ABHD18: variants seen among roughly 807,000 people sequenced by gnomAD.
The protein encoded by ABHD18 is abhydrolase domain containing 18.
A neutral mutation model predicts 65.9 loss-of-function variants in ABHD18; 55 were observed. The ratio of observed to expected loss-of-function variants is 0.84; its 90% CI spans 0.67 to 1.05. ABHD18 has a LOEUF of 1.05. ABHD18 is among the 50% of genes least tolerant of loss of function. The probability of loss-of-function intolerance (pLI) is 0.00; values close to 1 mark genes in which losing one functional copy is unlikely to be tolerated. For synonymous variants in ABHD18, 181 were observed against 180.2 expected, an observed-to-expected ratio of 1.00 and a Z score of -0.04; for missense variants, 533 against 558.5, an observed-to-expected ratio of 0.95 and a Z score of 0.46.
At chr4:128,030,905 G>T in intron 12 of ABHD18, 2 of 1,212,492 alleles carry the variant, frequency 1.6e-6, no homozygotes, top group African/African-American at 3.2e-5. Flanking sequence ...GCTTTATCGT[G>T]TGGCTTTCCC....
At position 128,014,801 on chromosome 4, in the gene ABHD18, A is replaced by C. The variant is rs1755199342; in HGVS notation, c.471-2562A>C. Reference sequence around the variant, plus strand: ...CCCGCCCCTAAAAAAAAAAATGGCCAGGTGCAGTGGCTCACGCCTGTAATC... The same window carrying C: ...CCCGCCCCTAAAAAAAAAAATGGCCCGGTGCAGTGGCTCACGCCTGTAATC... On this transcript the variant is annotated intron_variant, in intron 7 of 12. Coordinates refer to ENST00000645843, the MANE Select transcript of ABHD18 (RefSeq NM_001358451.3). Among the ~76,000 whole-genome samples, 3 of 151,526 alleles carry C rather than the reference A, an allele frequency of 2.0e-5. No individual in the cohort carries two copies. In the South Asian group the frequency reaches 6.2e-4, roughly 31 times the overall value.
At chr4:128,008,149 C>G (rs868476787) in intron 4 of ABHD18, among the ~76,000 whole-genome samples, 11 of 151,428 alleles carry the variant, frequency 7.3e-5, no homozygotes, top group East Asian at 2.0e-4. Flanking sequence ...GTACTCCTAG[C>G]TACTCAGGAG....
At chr4:127,978,358 C>T (rs990120631) in intron 1 of ABHD18, among the ~76,000 whole-genome samples, 5 of 151,976 alleles carry the variant, frequency 3.3e-5, no homozygotes, top group Admixed American at 6.6e-5. Flanking sequence ...TTACAATGAC[C>T]GCCAATGAGA....
chr4:128,008,831 T>G, intron 4 of ABHD18, 89 bp from the exon 5 acceptor site: 2 of 856,142 alleles, frequency 2.3e-6, no homozygotes, highest in Non-Finnish European at 3.6e-6. Flanking sequence ...TGTCAGATAA[T>G]TTAAATGTAA....
At chr4:128,021,350 C>G in intron 10 of ABHD18, 112 bp downstream of exon 10, 1 of 638,078 alleles carries the variant, frequency 1.6e-6, no homozygotes, top group South Asian at 2.4e-5. Flanking sequence ...GCTGTACATA[C>G]TATTTTTTAC....
At chr4:128,020,058 C>T in intron 8 of ABHD18, 22 bp from the exon 9 acceptor site, 1 of 1,510,356 alleles carries the variant, frequency 6.6e-7, no homozygotes, top group Non-Finnish European at 9.1e-7. Context: ...TAAATAGACG[C>T]TCTCTATCTG....
chr4:128,029,485 A>G (rs868321323), intron 11 of ABHD18, among the ~76,000 whole-genome samples: 1 of 151,660 alleles, frequency 6.6e-6, no homozygotes, highest in African/African-American at 2.4e-5. Context: ...GTTTGACACC[A>G]GCCCGGGCAA....
chr4:128,039,144 C>CGTGTGTGT lies in ABHD18; in HGVS notation c.*3331_*3332insGTGTGTGT, dbSNP rs1491380654. The CGTGTGTGT allele has an allele frequency of 7.0e-5, 7 of 99,736 alleles. No individual in the cohort carries two copies. The highest frequency in any genetic ancestry group is 2.6e-4 in the African/African-American group (7 of 26,814). The allele number at this position is 99,736 out of a possible 1,614,324, so 6.2% of individuals were successfully genotyped here. ...TATGTATTATATATACACACATATG[C>CGTGTGTGT]ATATATATATATATATATATATATA... On this transcript the variant is annotated 3_prime_UTR_variant, in exon 13 of 13. Transcript: ENST00000645843.
chr4:128,007,576 T>TA (rs199545237), intron 4 of ABHD18, among the ~76,000 whole-genome samples: 5 of 150,142 alleles, frequency 3.3e-5, no homozygotes, highest in African/African-American at 9.8e-5. Context: ...ACCCCATGTC[T>TA]AAAAAAAATG....
chr4:128,006,413 C>T (rs1753606617), intron 4 of ABHD18, among the ~76,000 whole-genome samples: 2 of 152,128 alleles, frequency 1.3e-5, no homozygotes, highest in South Asian at 4.1e-4. Context: ...TGCCAGTTCT[C>T]GTTATGAGAT....
chr4:127,977,922 GAAAA>G (rs1748270851), intron 1 of ABHD18, among the ~76,000 whole-genome samples: 1 of 151,984 alleles, frequency 6.6e-6, no homozygotes, highest in Non-Finnish European at 1.5e-5. Flanking sequence ...CATTAACTGA[GAAAA>G]TAAATAAAAC....
intron 1 of ABHD18, among the ~76,000 whole-genome samples, chr4:127,979,258 T>TA (rs1454094995): frequency 3.3e-5 from 5 of 152,258 alleles, no homozygotes; most frequent in Non-Finnish European, 5.9e-5. Context: ...CTTCCAAGTT[T>TA]AAAAAACACC....
In ABHD18 at chr4:128,038,375, A is replaced by T. The variant is rs1759060046; in HGVS notation, c.*2562A>T. 6.6e-6 allele frequency: 1 copy of T among 152,212 alleles called. No individual in the cohort carries two copies. The highest frequency in any genetic ancestry group is 6.6e-5 in the Admixed American group (1 of 15,260). The allele number at this position is 152,212 out of a possible 1,614,324, so 9.4% of individuals were successfully genotyped here. ...ATTATGTATATAGTGAGGTTATATG[A>T]TTGAATGCTTTTTGAACAATGGTTT... is the stretch of plus-strand genomic sequence containing the variant. On this transcript the variant is annotated 3_prime_UTR_variant, in exon 13 of 13. Coordinates refer to ENST00000645843, the MANE Select transcript of ABHD18 (RefSeq NM_001358451.3).
chr4:128,001,226 G>A (rs1438477935), intron 4 of ABHD18, among the ~76,000 whole-genome samples: 3 of 152,090 alleles, frequency 2.0e-5, no homozygotes, highest in Non-Finnish European at 4.4e-5. Flanking sequence ...GTTCTCAAGG[G>A]GAATGCTTCT....
chr4:127,966,473 C>G (rs767793611), intron 1 of ABHD18, among the ~76,000 whole-genome samples: 17 of 151,916 alleles, frequency 1.1e-4, no homozygotes, highest in Non-Finnish European at 1.5e-4. Flanking sequence ...GTTACACAGT[C>G]ATGTATGGTA....
chr4:127,991,928 G>A (rs1266247077), intron 4 of ABHD18, among the ~76,000 whole-genome samples: 1 of 152,108 alleles, frequency 6.6e-6, no homozygotes, highest in Non-Finnish European at 1.5e-5. Flanking sequence ...AAAAGTTGTA[G>A]TCAGCTGTCC....
chr4:128,019,495 T>G (rs1462566688), intron 8 of ABHD18, among the ~76,000 whole-genome samples: 2 of 152,232 alleles, frequency 1.3e-5, no homozygotes, highest in African/African-American at 2.4e-5. Flanking sequence ...TTCATTCCTC[T>G]AGAAGACTCA....
chr4:128,015,213 C>G (rs1560903357), intron 7 of ABHD18, among the ~76,000 whole-genome samples: 1 of 152,060 alleles, frequency 6.6e-6, no homozygotes, highest in East Asian at 1.9e-4. Flanking sequence ...CCACTTCACT[C>G]CAGCCTGGGC....
chr4:128,010,598 T>A, intron 6 of ABHD18, among the ~76,000 whole-genome samples: 1 of 149,338 alleles, frequency 6.7e-6, no homozygotes. Flanking sequence ...AAAAAAAAAC[T>A]AAAAACAAAA....
Sources: gnomAD v4.1 joint callset for allele counts (sites outside exome capture counted in the v4.1 genomes callset) on GRCh38, gnomAD v4.1.1 for gene constraint, MANE v1.5 for transcripts, NCBI Gene and HGNC (gene_info 2026-07-23, HGNC 2026-07-21) for gene names.